The following XKR6 variants were observed in gnomAD, a reference collection of about 807,000 sequenced individuals.
The protein encoded by XKR6 is XK related 6, also known as XK-related protein 6.
Under a neutral mutation model 56.7 loss-of-function variants are expected in XKR6, and 22 were observed. The ratio of observed to expected loss-of-function variants is 0.39; its 90% confidence interval spans 0.28 to 0.55. The LOEUF (loss-of-function observed/expected upper bound fraction) is 0.55. Ranked by LOEUF, XKR6 falls within the 20% of genes least tolerant of loss-of-function variation. The probability of loss-of-function intolerance (pLI) is 0.66; values close to 1 mark genes in which losing one functional copy is unlikely to be tolerated. For missense variants in XKR6, 852 were observed against 889.0 expected, an observed-to-expected ratio of 0.96 and a Z score of 0.53; for synonymous variants, 524 against 387.8, an observed-to-expected ratio of 1.35 and a Z score of -4.13.
At chr8:10,992,130 G>T (rs947070641) in intron 1 of XKR6, among the ~76,000 whole-genome samples, 6 of 152,132 alleles carry the variant, frequency 3.9e-5, no homozygotes, top group African/African-American at 1.4e-4. Context: ...TCTATAAATA[G>T]CAGCCTGATG....
chr8:10,961,865 G>T (rs1802070524), intron 1 of XKR6, among the ~76,000 whole-genome samples: 2 of 152,340 alleles, frequency 1.3e-5, no homozygotes, highest in South Asian at 4.1e-4. Context: ...GGTGAGAGTG[G>T]CTGGTCCTTC....
chr8:11,039,821 C>A (rs1799239429), intron 1 of XKR6, among the ~76,000 whole-genome samples: 1 of 152,236 alleles, frequency 6.6e-6, no homozygotes, highest in Non-Finnish European at 1.5e-5. Context: ...CTGACAAGCA[C>A]AGGGAAGCAG....
intron 1 of XKR6, chr8:11,137,540 C>G (rs1300788561): frequency 4.4e-6 from 2 of 456,074 alleles, no homozygotes; most frequent in South Asian, 3.1e-5. Context: ...TGCGGTATAC[C>G]CATCACCCCA....
At chr8:10,965,842 G>T (rs1231180219) in intron 1 of XKR6, among the ~76,000 whole-genome samples, 1 of 152,188 alleles carries the variant, frequency 6.6e-6, no homozygotes, top group Non-Finnish European at 1.5e-5. Flanking sequence ...GATTCATCTG[G>T]CCCGGGCCGA....
intron 1 of XKR6, among the ~76,000 whole-genome samples, chr8:11,019,897 C>T (rs1798711430): frequency 6.6e-6 from 1 of 152,204 alleles, no homozygotes; most frequent in South Asian, 2.1e-4. Flanking sequence ...GTGGTGCTCA[C>T]TTCCCAGCCG....
chr8:11,071,508 GTC>G (rs771927310), intron 1 of XKR6, among the ~76,000 whole-genome samples: 62 of 118,524 alleles, frequency 5.2e-4, no homozygotes, highest in Admixed American at 8.0e-4. Flanking sequence ...TGAGCCCCGA[GTC>G]TATGAGCCCC....
chr8:11,014,280 G>A (rs542912258), intron 1 of XKR6, among the ~76,000 whole-genome samples: 20 of 152,324 alleles, frequency 1.3e-4, no homozygotes, highest in Non-Finnish European at 2.8e-4. Flanking sequence ...GAGTGTAGCG[G>A]CCCTTAGCGC....
intron 1 of XKR6, among the ~76,000 whole-genome samples, chr8:11,034,231 G>A (rs985343804): frequency 2.0e-5 from 3 of 152,222 alleles, no homozygotes; most frequent in Non-Finnish European, 4.4e-5. Context: ...GCTGCACAGT[G>A]TGGGAAATGA....
At chr8:11,095,714 G>A (rs1224703195) in intron 1 of XKR6, among the ~76,000 whole-genome samples, 1 of 152,204 alleles carries the variant, frequency 6.6e-6, no homozygotes, top group Admixed American at 6.5e-5. Context: ...TGGGCTTATG[G>A]AAGGTCTTTT....
At position 11,201,173 on chromosome 8, in the gene XKR6, A is replaced by C; in HGVS notation, c.167T>G (p.Ile56Ser). ...CGAGGAGGTGTTGCAGCAGTGGCAG[A>C]TGTGCATCGAGCTGCTCTCGCCGGG... ...SEPGESSSMH[I>S]CHCCNTSSCY... is the part of the protein sequence containing the mutation. The change falls in exon 1 of 3, where the codon ATC (isoleucine) becomes AGC (serine). Residue 56 changes from isoleucine to serine, a missense_variant. Physicochemically the swap from Ile to Ser is moderately radical, Grantham distance 142 (BLOSUM62 -2). This residue lies in a region of XKR6 where 417 missense variants were observed against 355.2 expected (regional missense o/e 1.17). Transcript: ENST00000416569. The C allele has an allele frequency of 6.6e-7, 1 of 1,526,468 alleles. No homozygotes were observed. The highest frequency in any genetic ancestry group is 1.2e-5 in the South Asian group (1 of 83,586). 94.6% of individuals were successfully genotyped at this position (1,526,468 alleles called of 1,614,324 possible). A position where few individuals can be genotyped will look rare whatever the true frequency, so the allele number is the denominator to read the frequency against.
intron 1 of XKR6, among the ~76,000 whole-genome samples, chr8:11,195,530 C>A (rs1207644836): frequency 6.6e-6 from 1 of 152,156 alleles, no homozygotes; most frequent in Non-Finnish European, 1.5e-5. Context: ...TATAGCACAT[C>A]CACTTCCTGA....
intron 1 of XKR6, chr8:11,137,816 G>A (rs1333887809): frequency 1.0e-5 from 4 of 392,082 alleles, no homozygotes; most frequent in East Asian, 7.2e-5. Context: ...GAACTGCACC[G>A]CAACTCTAGA....
chr8:10,935,774 A>C (rs1586324946), intron 1 of XKR6, among the ~76,000 whole-genome samples: 1 of 138,106 alleles, frequency 7.2e-6, no homozygotes, highest in Non-Finnish European at 1.6e-5. Flanking sequence ...ATAGTTTGTT[A>C]TAATTTCTGT....
At chr8:11,131,873 G>A (rs1027274870) in intron 1 of XKR6, among the ~76,000 whole-genome samples, 7 of 152,192 alleles carry the variant, frequency 4.6e-5, no homozygotes, top group Middle Eastern at 3.2e-3. Flanking sequence ...AGACAGTGTA[G>A]GTGTGCAGTA....
intron 1 of XKR6, among the ~76,000 whole-genome samples, chr8:11,138,925 A>T (rs902437603): frequency 8.5e-6 from 1 of 117,482 alleles, no homozygotes; most frequent in Non-Finnish European, 1.6e-5. Context: ...GGCAGAATAA[A>T]AAAAAAAAAA....
intron 1 of XKR6, among the ~76,000 whole-genome samples, chr8:10,945,580 AG>A: frequency 6.6e-6 from 1 of 152,244 alleles, no homozygotes; most frequent in Non-Finnish European, 1.5e-5. Flanking sequence ...CTAAGCTCCC[AG>A]AAGGACAGAG....
At chr8:11,136,703 C>T (rs1800421409) in intron 1 of XKR6, among the ~76,000 whole-genome samples, 4 of 152,114 alleles carry the variant, frequency 2.6e-5, no homozygotes, top group Admixed American at 2.6e-4. Context: ...CCTCTGCCAA[C>T]CAGGAAGAGG....
intron 1 of XKR6, among the ~76,000 whole-genome samples, chr8:10,993,431 G>T (rs1314120804): frequency 6.6e-6 from 1 of 152,244 alleles, no homozygotes; most frequent in Non-Finnish European, 1.5e-5. Context: ...GGACCCAGCT[G>T]TCCCACACCT....
chr8:11,105,971 A>C (rs1210301837), intron 1 of XKR6: 1 of 152,256 alleles, frequency 6.6e-6, no homozygotes, highest in Non-Finnish European at 1.5e-5. Flanking sequence ...CTTTTAAATA[A>C]TTAGGCCACT....
Sources: allele counts gnomAD v4.1 joint callset (sites outside exome capture counted in the v4.1 genomes callset), GRCh38; gene constraint gnomAD v4.1.1; regional missense constraint gnomAD v4.1.1; transcripts MANE v1.5; gene names NCBI Gene and HGNC (gene_info 2026-07-23, HGNC 2026-07-21).